The following RBFOX2 variants were observed in gnomAD, a reference collection of about 807,000 sequenced individuals.
RBFOX2 encodes the protein RNA binding protein fox-1 homolog 2.
Under a neutral mutation model 49.1 loss-of-function variants are expected in RBFOX2, and 10 were observed. That is an observed-to-expected ratio of 0.20 (90% CI 0.13 to 0.35). The LOEUF (loss-of-function observed/expected upper bound fraction) is 0.35. Among genes scored for constraint, RBFOX2 ranks in the 10% least tolerant of loss-of-function variants. The probability of loss-of-function intolerance (pLI) is 1.00; values close to 1 mark genes in which losing one functional copy is unlikely to be tolerated. For synonymous variants in RBFOX2, 183 were observed against 187.4 expected (o/e 0.98, Z 0.19); for missense variants, 323 against 486.9 (o/e 0.66, Z 3.17).
At chr22:35,826,975 G>T (rs186267516) in intron 1 of RBFOX2, among the ~76,000 whole-genome samples, 2 of 152,168 alleles carry the variant, frequency 1.3e-5, no homozygotes, top group African/African-American at 4.8e-5. Flanking sequence ...TGTGGATGGG[G>T]GGATTACTTT....
At chr22:35,867,321 T>C (rs1425743637) in intron 1 of RBFOX2, among the ~76,000 whole-genome samples, 2 of 152,208 alleles carry the variant, frequency 1.3e-5, no homozygotes, top group Admixed American at 6.5e-5. Flanking sequence ...CAAAATCTAC[T>C]TGGCACTGAA....
chr22:35,996,610 CAAAAAAAAAAA>C (rs35378375), intron 1 of RBFOX2: 1 of 64,912 alleles, frequency 1.5e-5, no homozygotes, highest in Non-Finnish European at 3.1e-5. Context: ...GACTCTGTCT[CAAAAAAAAAAA>C]AAAGAAAAAA....
intron 1 of RBFOX2, among the ~76,000 whole-genome samples, chr22:35,923,242 C>A (rs1249155822): frequency 6.6e-6 from 1 of 152,172 alleles, no homozygotes; most frequent in Non-Finnish European, 1.5e-5. Context: ...CTGTCTGACA[C>A]CAGAGTTCTT....
At chr22:35,827,399 ACT>A (rs1428144740) in intron 1 of RBFOX2, among the ~76,000 whole-genome samples, 2 of 151,980 alleles carry the variant, frequency 1.3e-5, no homozygotes, top group South Asian at 2.1e-4. Flanking sequence ...AAACATGGAA[ACT>A]CTGTTTTTCC....
At chr22:35,897,502 G>A (rs2048004502) in intron 1 of RBFOX2, 4 of 821,804 alleles carry the variant, frequency 4.9e-6, no homozygotes, top group Non-Finnish European at 8.7e-6. Flanking sequence ...GCTACCCACT[G>A]ATAGGCAAAA....
exon 12 of RBFOX2, chr22:35,739,823 C>A (rs570759829): frequency 2.0e-5 from 3 of 152,690 alleles, no homozygotes; most frequent in African/African-American, 7.2e-5. Flanking sequence ...AAGTACCAGA[C>A]AAGGAGGACC....
intron 1 of RBFOX2, among the ~76,000 whole-genome samples, chr22:35,832,944 G>C (rs949284638): frequency 6.6e-6 from 1 of 152,148 alleles, no homozygotes; most frequent in Admixed American, 6.5e-5. Context: ...GGGGAGATTT[G>C]AAATGTTCTC....
intron 1 of RBFOX2, among the ~76,000 whole-genome samples, chr22:35,848,634 C>T (rs966000395): frequency 3.9e-5 from 6 of 152,050 alleles, no homozygotes; most frequent in East Asian, 3.9e-4. Context: ...CTATGCATTC[C>T]GGTCCAACCT....
At chr22:35,884,613 C>A (rs923929860) in intron 1 of RBFOX2, among the ~76,000 whole-genome samples, 2 of 152,136 alleles carry the variant, frequency 1.3e-5, no homozygotes, top group Non-Finnish European at 2.9e-5. Flanking sequence ...GTAGAGAGGG[C>A]AAGCACCCAA....
chr22:36,027,330 G>A (rs2059477525), intron 1 of RBFOX2, among the ~76,000 whole-genome samples: 1 of 152,034 alleles, frequency 6.6e-6, no homozygotes, highest in Non-Finnish European at 1.5e-5. Context: ...TGGTAGGTGA[G>A]ACTCATCATG....
chr22:35,792,765 C>A (rs917201910), intron 2 of RBFOX2, among the ~76,000 whole-genome samples: 2 of 152,122 alleles, frequency 1.3e-5, no homozygotes, highest in African/African-American at 2.4e-5. Flanking sequence ...CACAATATAG[C>A]CTTTTTAAAA....
At chr22:35,961,688 T>C, upstream of RBFOX2, 1 of 1,302,556 alleles carries the variant, frequency 7.7e-7, no homozygotes, top group Non-Finnish European at 1.0e-6. Context: ...CCTCACCTCC[T>C]CCTGCTTCCC....
chr22:35,919,357 G>A (rs1437467874), intron 1 of RBFOX2, among the ~76,000 whole-genome samples: 1 of 152,168 alleles, frequency 6.6e-6, no homozygotes, highest in Non-Finnish European at 1.5e-5. Context: ...GGCCAACATG[G>A]CGAAATGCCA....
intron 11 of RBFOX2, 120 bp from the exon 14 acceptor site, chr22:35,744,369 T>A: frequency 2.2e-6 from 2 of 917,134 alleles, no homozygotes; most frequent in Non-Finnish European, 3.2e-6. Context: ...AAGCAACTGA[T>A]CAAGCATTGC....
intron 1 of RBFOX2, among the ~76,000 whole-genome samples, chr22:35,971,269 G>C (rs2056855848): frequency 6.6e-6 from 1 of 152,106 alleles, no homozygotes; most frequent in Admixed American, 6.5e-5. Context: ...TTGGCACACA[G>C]CTACACAGGG....
At chr22:36,025,841 T>C (rs1603469396) in intron 1 of RBFOX2, among the ~76,000 whole-genome samples, 1 of 151,878 alleles carries the variant, frequency 6.6e-6, no homozygotes, top group Non-Finnish European at 1.5e-5. Context: ...CATACTTTAT[T>C]TTACAACTAA....
intron 1 of RBFOX2, among the ~76,000 whole-genome samples, chr22:35,882,869 G>T (rs897070338): frequency 6.6e-6 from 1 of 152,190 alleles, no homozygotes; most frequent in Non-Finnish European, 1.5e-5. Context: ...CATTCTGGGA[G>T]CCTAGATGGC....
chr22:35,900,481 T>C (rs2048434333), intron 1 of RBFOX2, among the ~76,000 whole-genome samples: 2 of 151,834 alleles, frequency 1.3e-5, no homozygotes, highest in South Asian at 4.2e-4. Context: ...CAACCCTCTA[T>C]ACATAGTTTA....
chr22:35,769,018 C>T (rs558059523), intron 4 of RBFOX2, among the ~76,000 whole-genome samples: 2 of 152,246 alleles, frequency 1.3e-5, no homozygotes, highest in South Asian at 2.1e-4. Flanking sequence ...TATCACTAAG[C>T]AGTGGTCAAT....
Sources: gnomAD v4.1 joint callset for allele counts (sites outside exome capture counted in the v4.1 genomes callset) on GRCh38, gnomAD v4.1.1 for gene constraint, MANE v1.5 for transcripts, NCBI Gene and HGNC (gene_info 2026-07-23, HGNC 2026-07-21) for gene names.